The following GPC3 variants were observed in gnomAD, a reference collection of about 807,000 sequenced individuals.
The protein encoded by GPC3 is glypican 3, also known as glypican-3.
GPC3 carries 3 observed loss-of-function variants against 34.4 expected under a neutral mutation model. The observed-to-expected ratio is 0.09, with a 90% CI of 0.04 to 0.23. The LOEUF (loss-of-function observed/expected upper bound fraction) is 0.23. GPC3 is among the 10% of genes least tolerant of loss of function. The pLI is 1.00. For synonymous variants in GPC3, 177 were observed against 174.0 expected, an observed-to-expected ratio of 1.02 and a Z score of -0.13; for missense variants, 351 against 445.6, an observed-to-expected ratio of 0.79 and a Z score of 1.91.
rs1277452760 is a variant in GPC3, at chrX:133,694,063, C to G, written c.1167-1569G>C. ...GCCTCACAAGATGAGGCCGCCTAAT[C>G]TTGAACTTCCCAGCCTAATAAATAA... is the stretch of plus-strand genomic sequence containing the variant. On this transcript the variant is annotated intron_variant, in intron 4 of 7. Coordinates refer to ENST00000370818, the MANE Select transcript of GPC3 (RefSeq NM_004484.4). Among the ~76,000 whole-genome samples, 10 of 111,330 alleles carry G rather than the reference C, an allele frequency of 9.0e-5. 2 individuals carry two copies. Among genetic ancestry groups the G allele is most frequent in the Admixed American group, 7.6e-4 (8 of 10,471 alleles).
chrX:133,727,343 C>T (rs1026739318), intron 3 of GPC3, among the ~76,000 whole-genome samples: 12 of 110,458 alleles, frequency 1.1e-4, no homozygotes, highest in Middle Eastern at 4.6e-3. Context: ...GTCAGGAGTT[C>T]GAAACCAGCC....
At chrX:133,803,721 T>C (rs943731458) in intron 2 of GPC3, among the ~76,000 whole-genome samples, 12 of 111,815 alleles carry the variant, frequency 1.1e-4, no homozygotes, top group Non-Finnish European at 1.9e-4. Flanking sequence ...CCAGCATTTA[T>C]TGAACTTCAT....
chrX:133,842,522 T>C (rs1413625154), intron 2 of GPC3, among the ~76,000 whole-genome samples: 1 of 108,263 alleles, frequency 9.2e-6, no homozygotes, highest in Non-Finnish European at 1.9e-5. Flanking sequence ...GTAAAGCATG[T>C]ACAGTGAGAA....
intron 2 of GPC3, among the ~76,000 whole-genome samples, chrX:133,877,436 C>T (rs1199165354): frequency 8.9e-6 from 1 of 111,897 alleles, no homozygotes; most frequent in Non-Finnish European, 1.9e-5. Flanking sequence ...ATCTATAAAA[C>T]AAGGATAATG....
At chrX:133,770,948 T>A (rs999434142) in intron 2 of GPC3, among the ~76,000 whole-genome samples, 4 of 111,170 alleles carry the variant, frequency 3.6e-5, no homozygotes, top group Non-Finnish European at 7.5e-5. Flanking sequence ...TGGGAGGGGA[T>A]GGGGGGAAGG....
intron 3 of GPC3, among the ~76,000 whole-genome samples, chrX:133,713,973 T>C (rs1009399258): frequency 8.9e-6 from 1 of 112,146 alleles, no homozygotes; most frequent in African/African-American, 3.2e-5. Context: ...GGCATCATAA[T>C]GGAAAAATCA....
intron 2 of GPC3, among the ~76,000 whole-genome samples, chrX:133,915,609 CA>C (rs2076220672): frequency 8.9e-6 from 1 of 112,602 alleles, no homozygotes; most frequent in African/African-American, 3.2e-5. Flanking sequence ...AACTCCCCAT[CA>C]GGGGTTTCTG....
chrX:133,630,441 C>T lies in GPC3; in HGVS notation c.1413+31289G>A, dbSNP rs1259925416. ...TATTCAACCTAGAGAATTATCTTTC[C>T]CTTGACCTGAATTCTGTCCATCCAG... On this transcript the variant is annotated intron_variant, in intron 6 of 7. Transcript: ENST00000370818. Among the ~76,000 whole-genome samples, 4 of 111,794 alleles carry T rather than the reference C, an allele frequency of 3.6e-5. 1 individual carries two copies. Among genetic ancestry groups the T allele is most frequent in the Non-Finnish European group, 7.5e-5 (4 of 53,178 alleles).
chrX:133,849,220 C>T (rs982523238), intron 2 of GPC3, among the ~76,000 whole-genome samples: 1 of 107,415 alleles, frequency 9.3e-6, no homozygotes, highest in African/African-American at 3.4e-5. Flanking sequence ...TCAGCCTCCC[C>T]AGTAGCTGGG....
intron 3 of GPC3, among the ~76,000 whole-genome samples, chrX:133,720,626 A>T (rs2071355557): frequency 8.9e-6 from 1 of 111,904 alleles, no homozygotes; most frequent in Non-Finnish European, 1.9e-5. Flanking sequence ...AGCAGCATGA[A>T]AACAAACTAA....
chrX:133,895,968 T>A (rs1305072593), intron 2 of GPC3, among the ~76,000 whole-genome samples: 1 of 111,771 alleles, frequency 8.9e-6, no homozygotes, highest in Non-Finnish European at 1.9e-5. Flanking sequence ...AATTAATACA[T>A]ACTCAAAATC....
At chrX:133,887,895 T>G (rs2124587468) in intron 2 of GPC3, among the ~76,000 whole-genome samples, 1 of 110,767 alleles carries the variant, frequency 9.0e-6, no homozygotes, top group African/African-American at 3.3e-5. Context: ...ACCAGACCAA[T>G]GTCATATACT....
intron 2 of GPC3, among the ~76,000 whole-genome samples, chrX:133,868,846 G>C (rs1352884850): frequency 9.0e-6 from 1 of 111,627 alleles, no homozygotes; most frequent in Non-Finnish European, 1.9e-5. Context: ...CCACTGCCAA[G>C]TGGAACACAG....
intron 5 of GPC3, among the ~76,000 whole-genome samples, chrX:133,672,554 G>A (rs932740962): frequency 4.5e-5 from 5 of 112,233 alleles, no homozygotes; most frequent in Non-Finnish European, 9.4e-5. Flanking sequence ...CCCCAAACTC[G>A]TTTACCAAGT....
intron 2 of GPC3, among the ~76,000 whole-genome samples, chrX:133,870,854 G>A (rs182352273): frequency 3.6e-5 from 4 of 112,010 alleles, no homozygotes; most frequent in Admixed American, 1.9e-4. Flanking sequence ...GGATGGTCAC[G>A]TCTAACCTCC....
chrX:133,893,507 TTTAA>T (rs2076097524), intron 2 of GPC3, among the ~76,000 whole-genome samples: 1 of 112,177 alleles, frequency 8.9e-6, no homozygotes, highest in Non-Finnish European at 1.9e-5. Flanking sequence ...TTTACTAATA[TTTAA>T]TTCTGTTTTT....
At chrX:133,686,052 G>A (rs1031411876) in intron 5 of GPC3, among the ~76,000 whole-genome samples, 8 of 112,040 alleles carry the variant, frequency 7.1e-5, no homozygotes, top group Non-Finnish European at 5.6e-5. Flanking sequence ...CTAAGGCATC[G>A]TGCCACAAAG....
At chrX:133,837,284 C>A (rs185915147) in intron 2 of GPC3, among the ~76,000 whole-genome samples, 1 of 111,214 alleles carries the variant, frequency 9.0e-6, no homozygotes, top group East Asian at 2.8e-4. Flanking sequence ...ATCTCTGATA[C>A]GAGTCTTGTG....
At chrX:133,850,405 A>G (rs1367000584) in intron 2 of GPC3, among the ~76,000 whole-genome samples, 1 of 110,699 alleles carries the variant, frequency 9.0e-6, no homozygotes, top group Admixed American at 9.6e-5. Flanking sequence ...AAGTATCATG[A>G]TGAATGAGAA....
Sources: allele counts gnomAD v4.1 joint callset (sites outside exome capture counted in the v4.1 genomes callset), GRCh38; gene constraint gnomAD v4.1.1; transcripts MANE v1.5; gene names NCBI Gene and HGNC (gene_info 2026-07-23, HGNC 2026-07-21).